The following MORC3 variants were observed in gnomAD, a reference collection of about 807,000 sequenced individuals.
The protein encoded by MORC3 is MORC family CW-type zinc finger protein 3.
In MORC3, 31 loss-of-function variants were observed where a neutral mutation model predicts 109.1. That is an observed-to-expected ratio of 0.28 (90% CI 0.21 to 0.38). The LOEUF (loss-of-function observed/expected upper bound fraction) is 0.38, where lower values mean the gene tolerates loss of function less well. Among genes scored for constraint, MORC3 ranks in the 10% least tolerant of loss-of-function variants. The pLI, the probability that MORC3 is intolerant of heterozygous loss-of-function variation, is 1.00. For synonymous variants in MORC3, 395 were observed against 380.7 expected, an observed-to-expected ratio of 1.04 and a Z score of -0.44; for missense variants, 867 against 1,135.8, an observed-to-expected ratio of 0.76 and a Z score of 3.40.
chr21:36,363,230 G>T (rs928763994), intron 13 of MORC3, among the ~76,000 whole-genome samples: 2 of 151,986 alleles, frequency 1.3e-5, no homozygotes, highest in African/African-American at 4.8e-5. Flanking sequence ...ACCAGCCTGG[G>T]CAATATGGCA....
intron 1 of MORC3, among the ~76,000 whole-genome samples, chr21:36,321,678 T>C (rs1488894956): frequency 1.3e-5 from 2 of 152,120 alleles, no homozygotes; most frequent in Non-Finnish European, 2.9e-5. Flanking sequence ...AAAATCTCTA[T>C]TCTCTCTCCC....
chr21:36,348,235 G>GT (rs1237838101), intron 8 of MORC3: 1 of 152,102 alleles, frequency 6.6e-6, no homozygotes, highest in African/African-American at 2.4e-5. Context: ...TTACTTCATT[G>GT]TTAGCAACTG....
At chr21:36,332,168 C>T (rs530218923) in intron 1 of MORC3, among the ~76,000 whole-genome samples, 1 of 152,112 alleles carries the variant, frequency 6.6e-6, no homozygotes, top group African/African-American at 2.4e-5. Flanking sequence ...GGTGTGGTGG[C>T]TTACACCTGT....
chr21:36,359,184 A>G (rs1351119049), intron 10 of MORC3, among the ~76,000 whole-genome samples: 1 of 152,216 alleles, frequency 6.6e-6, no homozygotes, highest in Non-Finnish European at 1.5e-5. Context: ...CTAAACATAA[A>G]GTTCAGGGCA....
chr21:36,371,676 G>A (rs1359084101), intron 15 of MORC3, among the ~76,000 whole-genome samples: 1 of 151,994 alleles, frequency 6.6e-6, no homozygotes, highest in East Asian at 1.9e-4. Context: ...TGTAAGTCAG[G>A]GACCATCTGT....
chr21:36,323,721 C>T (rs1380218501), intron 1 of MORC3, among the ~76,000 whole-genome samples: 1 of 152,172 alleles, frequency 6.6e-6, no homozygotes, highest in East Asian at 1.9e-4. Flanking sequence ...TTATTGGGCA[C>T]TTAGCCTGGA....
chr21:36,345,093 A>C (rs1270090100), intron 8 of MORC3, 62 bp downstream of exon 8: 1 of 1,455,004 alleles, frequency 6.9e-7, no homozygotes, highest in Non-Finnish European at 9.3e-7. Context: ...AGGATAATAT[A>C]TGCTCTTGAG....
chr21:36,353,355 C>CAAAAAAA (rs35837458), intron 9 of MORC3, among the ~76,000 whole-genome samples: 1 of 55,660 alleles, frequency 1.8e-5, no homozygotes, highest in Non-Finnish European at 3.2e-5. Context: ...GACTCTGTCT[C>CAAAAAAA]AAAAAAAAAA....
chr21:36,341,465 A>G lies in MORC3; in HGVS notation c.675A>G (p.Leu225=), dbSNP rs779831158. 6.2e-7 allele frequency: 1 copy of G among 1,613,878 alleles called. No homozygotes were observed. Residue 225 remains leucine (L), a synonymous_variant, in exon 6 of 17, where the codon TTA becomes TTG. Coordinates refer to ENST00000400485, the MANE Select transcript of MORC3 (RefSeq NM_015358.3). ...ATGATATCAGAATTCCCGAGGATTT[A>G]GATGAGATAACAGGGAAGAAGGGGT... ...DKYDIRIPED[L]DEITGKKGYK... is the part of the protein sequence containing the mutation.
At chr21:36,323,014 A>C (rs2085210035) in intron 1 of MORC3, among the ~76,000 whole-genome samples, 1 of 151,918 alleles carries the variant, frequency 6.6e-6, no homozygotes, top group Non-Finnish European at 1.5e-5. Flanking sequence ...AAGTTAATTG[A>C]TTTATATTTT....
chr21:36,320,719 T>G, intron 1 of MORC3: 3 of 175,606 alleles, frequency 1.7e-5, no homozygotes, highest in Non-Finnish European at 1.2e-5. Context: ...GGCCTCGACG[T>G]CCCGGGGGCG....
intron 14 of MORC3, among the ~76,000 whole-genome samples, chr21:36,365,255 G>A (rs1423014347): frequency 6.6e-6 from 1 of 152,114 alleles, no homozygotes; most frequent in Non-Finnish European, 1.5e-5. Context: ...TTGTGATGAG[G>A]TGGTACTTAC....
intron 13 of MORC3, among the ~76,000 whole-genome samples, chr21:36,363,145 C>T (rs770950450): frequency 5.3e-5 from 8 of 152,030 alleles, no homozygotes; most frequent in Non-Finnish European, 8.8e-5. Context: ...TGTTTTTAGC[C>T]GTGGTGGCTC....
rs76957821 is a variant in MORC3, at chr21:36,365,114, C to G, written c.1619+855C>G. 4.5e-3 allele frequency among the ~76,000 whole-genome samples: 672 copies of G among 150,176 alleles called. 3 individuals are homozygous for G. The highest frequency in any genetic ancestry group is 0.016 in the African/African-American group (644 of 40,864). ...ACGACACTATAGTGACCCAGAAGTT[C>G]TTTGCAAAGCCTATGGCACACTGTA... On this transcript the variant is annotated intron_variant, in intron 14 of 16. Coordinates refer to ENST00000400485, the MANE Select transcript of MORC3 (RefSeq NM_015358.3).
intron 1 of MORC3, among the ~76,000 whole-genome samples, chr21:36,331,566 C>A (rs1214665172): frequency 6.6e-6 from 1 of 152,018 alleles, no homozygotes; most frequent in Non-Finnish European, 1.5e-5. Context: ...GGCGCCACTG[C>A]ACTCCAGCCT....
intron 1 of MORC3, among the ~76,000 whole-genome samples, chr21:36,327,373 G>A (rs181592100): frequency 2.0e-5 from 3 of 150,396 alleles, no homozygotes; most frequent in African/African-American, 5.0e-5. Flanking sequence ...GGCCAGGCTC[G>A]TCTCCTAACC....
rs998197151 is a variant in MORC3 at position 36,325,640 on chromosome 21, T to G, written c.39+5337T>G. Among the ~76,000 whole-genome samples, 4 of 152,222 alleles carry G rather than the reference T, an allele frequency of 2.6e-5. No individual in the cohort carries two copies. In the East Asian group the frequency reaches 7.7e-4, roughly 29 times the overall value. ...GCACCTGACAAACACTATTCTACTTTCTGTCTAGGAATTTGACTACGGTAG... is the reference window on the plus strand; with the variant it reads ...GCACCTGACAAACACTATTCTACTTGCTGTCTAGGAATTTGACTACGGTAG... On this transcript the variant is annotated intron_variant, in intron 1 of 16. Transcript: ENST00000400485.
intron 9 of MORC3, among the ~76,000 whole-genome samples, chr21:36,352,099 G>A (rs771218300): frequency 2.4e-4 from 37 of 152,180 alleles, no homozygotes; most frequent in Admixed American, 3.9e-4. Flanking sequence ...GACAATATGG[G>A]TGGTTTTAAT....
chr21:36,328,639 C>CAATTTTTTGTATTTTTATA (rs1457475156), intron 1 of MORC3, among the ~76,000 whole-genome samples: 1 of 151,910 alleles, frequency 6.6e-6, no homozygotes. Context: ...CCGCGCCTGG[C>CAATTTTTTGTATTTTTATA]CAATTTTTTG....
Sources: gnomAD v4.1 joint callset for allele counts (sites outside exome capture counted in the v4.1 genomes callset) on GRCh38, gnomAD v4.1.1 for gene constraint, MANE v1.5 for transcripts, NCBI Gene and HGNC (gene_info 2026-07-23, HGNC 2026-07-21) for gene names.